The following LPIN2 variants were observed in gnomAD, a reference collection of about 807,000 sequenced individuals.
The protein encoded by LPIN2 is phosphatidate phosphatase LPIN2.
In LPIN2, 55 loss-of-function variants were observed where a neutral mutation model predicts 111.4. That is an observed-to-expected ratio of 0.49 (90% CI 0.40 to 0.62). The LOEUF is 0.62. Among genes scored for constraint, LPIN2 ranks in the 20% least tolerant of loss-of-function variants. The pLI, the probability that LPIN2 is intolerant of heterozygous loss-of-function variation, is 0.00. For synonymous variants in LPIN2, 425 were observed against 414.0 expected, an observed-to-expected ratio of 1.03 and a Z score of -0.32; for missense variants, 992 against 1,112.1, an observed-to-expected ratio of 0.89 and a Z score of 1.54.
intron 1 of LPIN2, among the ~76,000 whole-genome samples, chr18:3,007,157 T>C (rs74938278): frequency 0.047 from 7,121 of 151,018 alleles, 552 homozygotes; most frequent in African/African-American, 0.17. Flanking sequence ...CTATTATATT[T>C]AGTTAGTTAT....
intron 1 of LPIN2, among the ~76,000 whole-genome samples, chr18:3,004,007 T>C (rs547320504): frequency 1.6e-5 from 2 of 128,732 alleles, no homozygotes; most frequent in Non-Finnish European, 3.0e-5. Context: ...GCTCTGGGAT[T>C]GTCTTATGCA....
chr18:2,992,709 T>G (rs632249), intron 1 of LPIN2, among the ~76,000 whole-genome samples: 3 of 152,056 alleles, frequency 2.0e-5, no homozygotes, highest in East Asian at 1.9e-4. Context: ...TTAGGCCGGG[T>G]GCGGTGGCTC....
chr18:2,923,678 A>G lies in LPIN2; in HGVS notation c.2174+97T>C, dbSNP rs540899965. 5.1e-5 allele frequency: 53 copies of G among 1,029,782 alleles called. No individual in the cohort carries two copies. In the African/African-American group the frequency reaches 5.5e-4, roughly 11 times the overall value. The allele number at this position is 1,029,782 out of a possible 1,614,324, so 63.8% of individuals were successfully genotyped here. A position where few individuals can be genotyped will look rare whatever the true frequency, so the allele number is the denominator to read the frequency against. The stretch of plus-strand genomic sequence containing the variant: ...AGCGGGAATGCTTCAGCATAAACAC[A>G]TGACTCATGTGGACTGAAGACTTAC... On this transcript the variant is annotated intron_variant, in intron 16 of 19. Transcript: ENST00000677752.
chr18:3,002,841 T>C (rs917814564), intron 1 of LPIN2, among the ~76,000 whole-genome samples: 1 of 152,136 alleles, frequency 6.6e-6, no homozygotes, highest in African/African-American at 2.4e-5. Flanking sequence ...CCCTTCTAAG[T>C]CCCTCCCTGT....
intron 4 of LPIN2, among the ~76,000 whole-genome samples, chr18:2,949,584 G>A (rs1434722962): frequency 6.6e-6 from 1 of 152,026 alleles, no homozygotes; most frequent in East Asian, 1.9e-4. Flanking sequence ...GACAGCTAGT[G>A]AGCAATAAAA....
chr18:2,944,219 T>G (rs2077410049), intron 4 of LPIN2, among the ~76,000 whole-genome samples: 1 of 150,202 alleles, frequency 6.7e-6, no homozygotes, highest in South Asian at 2.1e-4. Flanking sequence ...ATTGTGAAGC[T>G]CTTCATGACT....
rs994214482 is a variant in LPIN2 at position 2,925,080 on chromosome 18, G to A, written c.1938+144C>T. On this transcript the variant is annotated intron_variant, in intron 14 of 19. Transcript: ENST00000677752. This position sits in a 1 kb window ranked among gnomAD's most constrained non-coding sequence, Gnocchi z 4.1. ...GATAGCTCTTGGGGGCGGCGGTCGT[G>A]GTTCCACTGTGGATAGGCATTGACA... 14 of 1,135,918 alleles carry A rather than the reference G, an allele frequency of 1.2e-5. No individual in the cohort carries two copies. The highest frequency in any genetic ancestry group is 7.7e-6 in the Non-Finnish European group (6 of 780,326). 70.4% of individuals were successfully genotyped at this position (1,135,918 alleles called of 1,614,324 possible). A position where few individuals can be genotyped will look rare whatever the true frequency, so the allele number is the denominator to read the frequency against.
intron 2 of LPIN2, among the ~76,000 whole-genome samples, chr18:2,959,960 G>C (rs1207538779): frequency 6.6e-6 from 1 of 152,166 alleles, no homozygotes; most frequent in African/African-American, 2.4e-5. Context: ...CTTGAGGTCA[G>C]GAGTTCGAGA....
intron 1 of LPIN2, among the ~76,000 whole-genome samples, chr18:2,968,753 G>A (rs1376674384): frequency 2.0e-5 from 3 of 152,180 alleles, no homozygotes; most frequent in Non-Finnish European, 4.4e-5. Context: ...AGAGTGAGAT[G>A]CCACAAGGCC....
intron 7 of LPIN2, among the ~76,000 whole-genome samples, chr18:2,936,971 T>TA (rs1236324246): frequency 3.3e-5 from 5 of 152,210 alleles, no homozygotes; most frequent in Admixed American, 6.5e-5. Flanking sequence ...ATATTACTGC[T>TA]AAAAAACCTA....
chr18:2,971,003 T>C (rs987226035), intron 1 of LPIN2, among the ~76,000 whole-genome samples: 1 of 152,200 alleles, frequency 6.6e-6, no homozygotes, highest in Non-Finnish European at 1.5e-5. Flanking sequence ...AGTATAGCAA[T>C]GCACCCTCTC....
chr18:2,973,767 T>C (rs902579124), intron 1 of LPIN2, among the ~76,000 whole-genome samples: 5 of 152,250 alleles, frequency 3.3e-5, no homozygotes, highest in Admixed American at 6.5e-5. Context: ...ATGTTTCATA[T>C]ACACCTTAAA....
chr18:3,012,833 C>T (rs1327053175), intron 1 of LPIN2, among the ~76,000 whole-genome samples: 1 of 151,802 alleles, frequency 6.6e-6, no homozygotes, highest in African/African-American at 2.4e-5. Flanking sequence ...CGCACCCCGC[C>T]GGTCCGTCCT....
intron 1 of LPIN2, among the ~76,000 whole-genome samples, chr18:2,972,048 A>G (rs1233230686): frequency 6.6e-6 from 1 of 152,126 alleles, no homozygotes; most frequent in African/African-American, 2.4e-5. Context: ...CTCCATATCA[A>G]AAACAAAACA....
chr18:2,920,359 C>T lies in LPIN2; in HGVS notation c.2625G>A (p.Pro875=), dbSNP rs187572602. ...SKEQNSAFPC[P]EFSSFCYWRD... ...GCCAGTAGCAGAAGGAGCTGAACTCCGGGCAGGGAAAAGCGGAATTCTGCT... is the reference window on the plus strand; with the variant it reads ...GCCAGTAGCAGAAGGAGCTGAACTCTGGGCAGGGAAAAGCGGAATTCTGCT... Residue 875 remains proline (P), a synonymous_variant, in exon 20 of 20, where the codon CCG becomes CCA. Coordinates refer to ENST00000677752, the MANE Select transcript of LPIN2 (RefSeq NM_001375808.2). The T allele has an allele frequency of 2.1e-4, 339 of 1,614,060 alleles. 3 individuals are homozygous for T. The East Asian group carries it at 3.6e-3, about 17-fold the overall frequency.
chr18:2,981,225 C>A (rs913406290), intron 1 of LPIN2, among the ~76,000 whole-genome samples: 4 of 152,146 alleles, frequency 2.6e-5, no homozygotes, highest in Non-Finnish European at 5.9e-5. Flanking sequence ...GGCCTGGACC[C>A]TGAAAACCAG....
intron 9 of LPIN2, among the ~76,000 whole-genome samples, chr18:2,930,211 A>G (rs2077194634): frequency 6.6e-6 from 1 of 152,220 alleles, no homozygotes; most frequent in South Asian, 2.1e-4. Flanking sequence ...AGACTAAGTC[A>G]CCAATATTTA....
At chr18:2,932,977 C>A (rs2077232813) in intron 8 of LPIN2, among the ~76,000 whole-genome samples, 1 of 151,660 alleles carries the variant, frequency 6.6e-6, no homozygotes, top group Admixed American at 6.6e-5. Flanking sequence ...TAGTGTTACC[C>A]CAACCAGTAA....
chr18:2,960,045 C>CT (rs2077684664), intron 2 of LPIN2, among the ~76,000 whole-genome samples: 1 of 152,030 alleles, frequency 6.6e-6, no homozygotes, highest in Non-Finnish European at 1.5e-5. Context: ...TTGCACGTGC[C>CT]TGTAATCCCA....
Sources: gnomAD v4.1 joint callset for allele counts (sites outside exome capture counted in the v4.1 genomes callset) on GRCh38, gnomAD v4.1.1 for gene constraint, Gnocchi (gnomAD v3.1) non-coding constraint, MANE v1.5 for transcripts, NCBI Gene and HGNC (gene_info 2026-07-23, HGNC 2026-07-21) for gene names.